Variants in SAXO1 observed in about 807,000 individuals in gnomAD.
SAXO1 encodes stabilizer of axonemal microtubules 1.
A neutral mutation model predicts 17.5 loss-of-function variants in SAXO1; 21 were observed. The observed-to-expected ratio is 1.20, with a 90% CI of 0.85 to 1.72. The LOEUF (loss-of-function observed/expected upper bound fraction) is 1.72, where lower values mean the gene tolerates loss of function less well. Among genes scored for constraint, SAXO1 ranks in the 40% most tolerant of loss-of-function variants. The probability of loss-of-function intolerance (pLI) is 0.00; values close to 1 mark genes in which losing one functional copy is unlikely to be tolerated. For synonymous variants in SAXO1, 274 were observed against 216.5 expected, an observed-to-expected ratio of 1.27 and a Z score of -2.33; for missense variants, 843 against 596.0, an observed-to-expected ratio of 1.41 and a Z score of -4.32.
At chr9:18,999,468 G>T (rs1030273771) in intron 1 of SAXO1, among the ~76,000 whole-genome samples, 2 of 151,902 alleles carry the variant, frequency 1.3e-5, no homozygotes, top group Non-Finnish European at 2.9e-5. Flanking sequence ...CATCTGGCAA[G>T]TGAGGAGCAC....
intron 1 of SAXO1, among the ~76,000 whole-genome samples, chr9:18,984,662 C>T (rs1430573818): frequency 6.6e-6 from 1 of 152,194 alleles, no homozygotes; most frequent in Non-Finnish European, 1.5e-5. Flanking sequence ...GAGTTAGGGC[C>T]TTGCTCTGGG....
chr9:18,948,849 T>C (rs1831906368), intron 2 of SAXO1, among the ~76,000 whole-genome samples: 1 of 152,186 alleles, frequency 6.6e-6, no homozygotes, highest in Non-Finnish European at 1.5e-5. Context: ...TCTCACAAAG[T>C]CTTCTTCATT....
At chr9:19,018,736 C>A (rs1000400521) in intron 1 of SAXO1, among the ~76,000 whole-genome samples, 1 of 152,312 alleles carries the variant, frequency 6.6e-6, no homozygotes, top group African/African-American at 2.4e-5. Context: ...GGTAAAAAGG[C>A]AGATTCAGTA....
chr9:19,002,583 T>C (rs1834320983), intron 1 of SAXO1, among the ~76,000 whole-genome samples: 1 of 152,188 alleles, frequency 6.6e-6, no homozygotes, highest in Non-Finnish European at 1.5e-5. Flanking sequence ...ACAAGGCTGG[T>C]TCAACATAGG....
chr9:18,983,892 G>C (rs1464280029), intron 1 of SAXO1, among the ~76,000 whole-genome samples: 1 of 152,202 alleles, frequency 6.6e-6, no homozygotes, highest in Non-Finnish European at 1.5e-5. Context: ...AGGACATGCT[G>C]ACTCTTGTTA....
chr9:18,936,867 A>G (rs185142893), intron 3 of SAXO1, among the ~76,000 whole-genome samples: 116 of 152,352 alleles, frequency 7.6e-4, no homozygotes, highest in Non-Finnish European at 1.4e-3. Context: ...GCTAAAGCAT[A>G]TTTTATTGGT....
In SAXO1 at chr9:18,941,641, A is replaced by C. The variant is rs1460779848; in HGVS notation, c.417T>G (p.Tyr139Ter). Residue 139 changes from tyrosine (Y) to a stop codon, truncating the protein, a stop_gained, in exon 3 of 4, where the codon TAT becomes TAG. Coordinates refer to ENST00000380534, the MANE Select transcript of SAXO1 (RefSeq NM_153707.4). LOFTEE classifies it low-confidence loss of function (END_TRUNC). ...TGCCCCTCTGTGCTCTCCCACCTTT[A>C]TAAGTAGGCAAACACTCCATCTTGT... ...CSDKMECLPT[Y>*]KADYLPWNQP... 1 of 1,614,046 alleles carries C rather than the reference A, an allele frequency of 6.2e-7. No homozygotes were observed. Among genetic ancestry groups the C allele is most frequent in the Non-Finnish European group, 8.5e-7 (1 of 1,180,002 alleles).
intron 1 of SAXO1, among the ~76,000 whole-genome samples, chr9:19,011,655 G>C (rs2130989398): frequency 6.6e-6 from 1 of 152,228 alleles, no homozygotes; most frequent in South Asian, 2.1e-4. Context: ...TTACCTAATG[G>C]AATATGGCTA....
chr9:19,004,806 T>A (rs1390544269), intron 1 of SAXO1, among the ~76,000 whole-genome samples: 1 of 152,184 alleles, frequency 6.6e-6, no homozygotes, highest in Non-Finnish European at 1.5e-5. Context: ...ACATGGCACA[T>A]GTGTATCTAT....
rs1327047411 is a variant in SAXO1 at position 19,023,921 on chromosome 9, T to G, written c.38+8950A>C. ...TGGGAGTCCGAGGTGGGAAGATTGC[T>G]TGAGCCCAGGAGTTTGAGACTAACC... is the stretch of plus-strand genomic sequence containing the variant. On this transcript the variant is annotated intron_variant, in intron 1 of 3. Transcript: ENST00000380534. Among the ~76,000 whole-genome samples, 6 of 150,826 alleles carry G rather than the reference T, an allele frequency of 4.0e-5. No individual in the cohort carries two copies. In the East Asian group the frequency reaches 1.2e-3, roughly 29 times the overall value.
rs1375861016 is a variant in SAXO1 at position 18,950,882 on chromosome 9, A to G, written c.94T>C (p.Cys32Arg). Residue 32 changes from cysteine to arginine, a missense_variant, in exon 2 of 4, where the codon TGT (cysteine) becomes CGT (arginine). By Grantham distance (180) the Cys-to-Arg change is radical (BLOSUM62 -3). Coordinates refer to ENST00000380534, the MANE Select transcript of SAXO1 (RefSeq NM_153707.4). The stretch of plus-strand genomic sequence containing the variant: ...TTCTCGGTATATTCGGAGAGAAGAC[A>G]TGGTTTCTCTGTTTTATCATAAATC... ...TKIYDKTEKP[C>R]LLSEYTENYP... The G allele has an allele frequency of 3.1e-6, 5 of 1,613,586 alleles. No homozygotes were observed. The highest frequency in any genetic ancestry group is 2.2e-5 in the South Asian group (2 of 91,038).
chr9:18,968,599 T>G (rs1588456203), intron 1 of SAXO1, among the ~76,000 whole-genome samples: 1 of 17,924 alleles, frequency 5.6e-5, no homozygotes, highest in Admixed American at 5.6e-4. Flanking sequence ...CCCCTTTTTG[T>G]TTTTTTTTTT....
intron 2 of SAXO1, among the ~76,000 whole-genome samples, chr9:18,949,228 T>A (rs1232981616): frequency 6.6e-6 from 1 of 152,198 alleles, no homozygotes; most frequent in African/African-American, 2.4e-5. Context: ...ACCAAATCAT[T>A]TAAGATACAT....
chr9:19,034,616 C>T (rs1289766405), upstream of SAXO1, among the ~76,000 whole-genome samples: 2 of 152,170 alleles, frequency 1.3e-5, no homozygotes, highest in African/African-American at 2.4e-5. Context: ...AAGGTAGATT[C>T]AGACAGGAGC....
intron 1 of SAXO1, among the ~76,000 whole-genome samples, chr9:19,025,045 CATTTT>C (rs1835416162): frequency 6.6e-6 from 1 of 152,116 alleles, no homozygotes; most frequent in Non-Finnish European, 1.5e-5. Flanking sequence ...CACTTGTACT[CATTTT>C]ATAAGATGAA....
At chr9:19,041,652 G>C (rs893302928) in intron 1 of SAXO1, among the ~76,000 whole-genome samples, 1 of 152,076 alleles carries the variant, frequency 6.6e-6, no homozygotes, top group African/African-American at 2.4e-5. Context: ...TACATCAAAA[G>C]TTAACTCATT....
At chr9:19,018,818 A>G (rs1835105719) in intron 1 of SAXO1, among the ~76,000 whole-genome samples, 1 of 152,180 alleles carries the variant, frequency 6.6e-6, no homozygotes, top group Non-Finnish European at 1.5e-5. Flanking sequence ...CTGCCTTAAG[A>G]ACCTTCTTAT....
At chr9:18,995,253 T>C (rs1266112753) in intron 1 of SAXO1, among the ~76,000 whole-genome samples, 1 of 152,240 alleles carries the variant, frequency 6.6e-6, no homozygotes, top group African/African-American at 2.4e-5. Flanking sequence ...GATTATTCCA[T>C]ATTAATCCTC....
At position 19,012,124 on chromosome 9, in the gene SAXO1, G is replaced by A. The variant is rs533946698; in HGVS notation, c.38+20747C>T. On this transcript the variant is annotated intron_variant, in intron 1 of 3. Transcript: ENST00000380534. Reference sequence around the variant, plus strand: ...CTCCCAAAGTGCTGGAATTACAGGCGTGAGCCACCACGCCCGGCAAGGATA... The same window carrying A: ...CTCCCAAAGTGCTGGAATTACAGGCATGAGCCACCACGCCCGGCAAGGATA... Among the ~76,000 whole-genome samples the A allele has an allele frequency of 7.2e-5, 11 of 152,252 alleles. No homozygotes were observed. In the South Asian group the frequency reaches 1.9e-3, roughly 26 times the overall value.
Sources: gnomAD v4.1 joint callset for allele counts (sites outside exome capture counted in the v4.1 genomes callset) on GRCh38, gnomAD v4.1.1 for gene constraint, MANE v1.5 for transcripts, NCBI Gene and HGNC (gene_info 2026-07-23, HGNC 2026-07-21) for gene names.